CADPS2: variants seen among roughly 807,000 people sequenced by gnomAD.
The protein encoded by CADPS2 is calcium dependent secretion activator 2.
CADPS2 carries 93 observed loss-of-function variants against 172.5 expected under a neutral mutation model. The ratio of observed to expected loss-of-function variants is 0.54; its 90% confidence interval spans 0.46 to 0.64. CADPS2 has a LOEUF of 0.64. CADPS2 is among the 30% of genes least tolerant of loss of function. The pLI, the probability that CADPS2 is intolerant of heterozygous loss-of-function variation, is 0.00. For missense variants in CADPS2, 1,420 were observed against 1,565.9 expected (o/e 0.91, Z 1.57); for synonymous variants, 546 against 555.2 (o/e 0.98, Z 0.23).
chr7:122,379,212 CT>C (rs1021668633), intron 25 of CADPS2, 155 bp downstream of exon 25: 18 of 507,596 alleles, frequency 3.5e-5, no homozygotes, highest in African/African-American at 7.8e-5. Flanking sequence ...TGTTCCTAAC[CT>C]TTTTTTGCTC....
intron 3 of CADPS2, among the ~76,000 whole-genome samples, chr7:122,659,615 A>G (rs1200513885): frequency 1.3e-5 from 2 of 152,262 alleles, no homozygotes; most frequent in South Asian, 2.1e-4. Context: ...TCCAAAATTA[A>G]TAATAGACAC....
chr7:122,557,739 G>A (rs1325068478), intron 7 of CADPS2, among the ~76,000 whole-genome samples: 2 of 152,122 alleles, frequency 1.3e-5, no homozygotes, highest in African/African-American at 4.8e-5. Flanking sequence ...GGCCACAAGG[G>A]TGAACTATGG....
In CADPS2 at chr7:122,635,268, C is replaced by T. The variant is rs138577550; in HGVS notation, c.787-5940G>A. On this transcript the variant is annotated intron_variant, in intron 3 of 29. Transcript: ENST00000449022. ...GAAGTCTCTGACTATTAATGTGTGGCTAATTTTTTTTTTTAATTATTATTA... is the reference window on the plus strand; with the variant it reads ...GAAGTCTCTGACTATTAATGTGTGGTTAATTTTTTTTTTTAATTATTATTA... 5.6e-3 allele frequency among the ~76,000 whole-genome samples: 788 copies of T among 141,768 alleles called. 27 individuals are homozygous for T. The highest frequency in any genetic ancestry group is 0.041 in the Admixed American group (587 of 14,462). The allele number at this position is 141,768 out of a possible 152,430, so 93.0% of individuals were successfully genotyped here.
At chr7:122,640,156 C>T (rs189961316) in intron 3 of CADPS2, among the ~76,000 whole-genome samples, 15 of 152,288 alleles carry the variant, frequency 9.8e-5, no homozygotes, top group Admixed American at 9.8e-4. Context: ...TTCTCTCTCC[C>T]TCACAGTCCA....
intron 2 of CADPS2, chr7:122,699,169 T>C: frequency 2.5e-6 from 1 of 407,030 alleles, no homozygotes; most frequent in Non-Finnish European, 4.5e-6. Flanking sequence ...TATTGTGTGA[T>C]GTGATTATGA....
intron 17 of CADPS2, among the ~76,000 whole-genome samples, chr7:122,435,808 A>G (rs988763235): frequency 1.7e-4 from 26 of 152,128 alleles, no homozygotes; most frequent in Non-Finnish European, 3.7e-4. Flanking sequence ...TATACATACA[A>G]TAGAATATTA....
intron 25 of CADPS2, among the ~76,000 whole-genome samples, chr7:122,365,284 A>G (rs1438043781): frequency 2.6e-5 from 4 of 152,144 alleles, no homozygotes; most frequent in Non-Finnish European, 2.9e-5. Context: ...GGGAGGCTCA[A>G]TACAGCTGGG....
At chr7:122,359,558 AC>A (rs1487482497) in intron 27 of CADPS2, among the ~76,000 whole-genome samples, 1 of 152,190 alleles carries the variant, frequency 6.6e-6, no homozygotes, top group Non-Finnish European at 1.5e-5. Flanking sequence ...TCAAAATCAA[AC>A]AAAAACTATG....
intron 27 of CADPS2, among the ~76,000 whole-genome samples, chr7:122,354,772 T>G (rs2039155118): frequency 6.6e-6 from 1 of 152,170 alleles, no homozygotes; most frequent in African/African-American, 2.4e-5. Flanking sequence ...TTTCTCACTC[T>G]TTTTTCAAAT....
At chr7:122,491,955 G>C (rs1390001772) in intron 9 of CADPS2, among the ~76,000 whole-genome samples, 1 of 152,078 alleles carries the variant, frequency 6.6e-6, no homozygotes, top group Non-Finnish European at 1.5e-5. Context: ...GGCAGATCAC[G>C]AGGTCAGGAA....
chr7:122,767,854 A>G (rs1011803692), intron 1 of CADPS2, among the ~76,000 whole-genome samples: 2 of 152,194 alleles, frequency 1.3e-5, no homozygotes, highest in Non-Finnish European at 2.9e-5. Flanking sequence ...GATGATCTGC[A>G]TTGAAAATTT....
intron 28 of CADPS2, among the ~76,000 whole-genome samples, chr7:122,332,689 C>T (rs747799918): frequency 6.6e-6 from 1 of 151,930 alleles, no homozygotes; most frequent in Admixed American, 6.6e-5. Context: ...CAGATATTTC[C>T]AGATGAATTA....
chr7:122,683,290 T>A (rs2083259309), intron 2 of CADPS2, among the ~76,000 whole-genome samples: 1 of 152,174 alleles, frequency 6.6e-6, no homozygotes, highest in South Asian at 2.1e-4. Context: ...TCCCTGATGC[T>A]CAGCAGCTTA....
At position 122,663,392 on chromosome 7, in the gene CADPS2, A is replaced by G. The variant is rs1284322660; in HGVS notation, c.631T>C (p.Tyr211His). 6.2e-7 allele frequency: 1 copy of G among 1,613,998 alleles called. No homozygotes were observed. The highest frequency in any genetic ancestry group is 1.3e-5 in the African/African-American group (1 of 75,052). ...TTGCACAAGTCCTCTTCACCTCTGT[A>G]AATGGCATCATATTTGGCTATCCAT... Reference protein sequence around the residue: ...SSWIAKYDAIYRGEEDLCKQP... With the variant: ...SSWIAKYDAIHRGEEDLCKQP... The change falls in exon 3 of 30, where the codon TAC becomes CAC. Residue 211 changes from tyrosine (Y) to histidine (H), a missense_variant. Coordinates refer to ENST00000449022, the MANE Select transcript of CADPS2 (RefSeq NM_017954.11).
intron 1 of CADPS2, among the ~76,000 whole-genome samples, chr7:122,739,822 A>C (rs888199456): frequency 6.6e-6 from 1 of 152,200 alleles, no homozygotes; most frequent in African/African-American, 2.4e-5. Flanking sequence ...TATTTGCATT[A>C]TCAAGATAAA....
At chr7:122,607,603 C>T (rs1446069499) in intron 6 of CADPS2, among the ~76,000 whole-genome samples, 1 of 152,140 alleles carries the variant, frequency 6.6e-6, no homozygotes, top group Non-Finnish European at 1.5e-5. Flanking sequence ...CACTGGAGCT[C>T]ATGAATGCTC....
At chr7:122,628,660 G>GA (rs758754757) in intron 4 of CADPS2, among the ~76,000 whole-genome samples, 222 of 150,894 alleles carry the variant, frequency 1.5e-3, no homozygotes, top group Non-Finnish European at 2.1e-3. Context: ...TTAAGTACTA[G>GA]AAAAAACTCA....
At chr7:122,780,458 C>T (rs1250609958) in intron 1 of CADPS2, among the ~76,000 whole-genome samples, 4 of 152,104 alleles carry the variant, frequency 2.6e-5, no homozygotes, top group East Asian at 3.9e-4. Flanking sequence ...AATTACCCTG[C>T]CTTTGTTAGA....
At chr7:122,854,528 A>G (rs2141168786) in intron 1 of CADPS2, among the ~76,000 whole-genome samples, 1 of 152,354 alleles carries the variant, frequency 6.6e-6, no homozygotes, top group Non-Finnish European at 1.5e-5. Flanking sequence ...CTAATTTACA[A>G]TAGAATATCA....
Sources: gnomAD v4.1 joint callset for allele counts (sites outside exome capture counted in the v4.1 genomes callset) on GRCh38, gnomAD v4.1.1 for gene constraint, MANE v1.5 for transcripts, NCBI Gene and HGNC (gene_info 2026-07-23, HGNC 2026-07-21) for gene names.